INSIG1: variants seen among roughly 807,000 people sequenced by gnomAD.
INSIG1 encodes the protein insulin induced gene 1, also known as insulin-induced gene 1 protein.
In INSIG1, 14 loss-of-function variants were observed where a neutral mutation model predicts 26.5. The observed-to-expected ratio is 0.53, with a 90% CI of 0.35 to 0.83. The LOEUF (loss-of-function observed/expected upper bound fraction) is 0.83, where lower values mean the gene tolerates loss of function less well. INSIG1 is among the 40% of genes least tolerant of loss of function. The pLI is 0.01. For synonymous variants in INSIG1, 147 were observed against 153.3 expected, an observed-to-expected ratio of 0.96 and a Z score of 0.30; for missense variants, 272 against 368.9, an observed-to-expected ratio of 0.74 and a Z score of 2.15.
chr7:155,303,301 A>G (rs1347940267), intron 5 of INSIG1, among the ~76,000 whole-genome samples: 3 of 152,248 alleles, frequency 2.0e-5, no homozygotes, highest in Non-Finnish European at 4.4e-5. Flanking sequence ...CTTAGTCCAC[A>G]GTCAAGCAAA....
chr7:155,299,330 G>C (rs1411238669), intron 2 of INSIG1, among the ~76,000 whole-genome samples: 1 of 152,196 alleles, frequency 6.6e-6, no homozygotes, highest in African/African-American at 2.4e-5. Flanking sequence ...CCAAGCAGTA[G>C]CATAGATGCT....
Position 155,302,220 on chromosome 7 carries a change from G to T in INSIG1, c.538-31G>T. 1.3e-6 allele frequency: 2 copies of T among 1,527,866 alleles called. No individual in the cohort carries two copies. Among genetic ancestry groups the T allele is most frequent in the East Asian group, 4.8e-5 (2 of 41,958 alleles). The allele number at this position is 1,527,866 out of a possible 1,614,324, so 94.6% of individuals were successfully genotyped here. A position where few individuals can be genotyped will look rare whatever the true frequency, so the allele number is the denominator to read the frequency against. On this transcript the variant is annotated intron_variant, in intron 3 of 5. Coordinates refer to ENST00000340368, the MANE Select transcript of INSIG1 (RefSeq NM_005542.6). The surrounding 1 kb of genome is among the most constrained non-coding windows in gnomAD (Gnocchi z 4.3). Reference sequence around the variant, plus strand: ...CGTTTTTTTATCTTAATAAGAGTCAGCAAACTTTTCCTTAACTTTTATATC... The same window carrying T: ...CGTTTTTTTATCTTAATAAGAGTCATCAAACTTTTCCTTAACTTTTATATC...
intron 5 of INSIG1, chr7:155,303,906 C>T (rs1257705455): frequency 3.0e-6 from 4 of 1,342,808 alleles, no homozygotes; most frequent in Non-Finnish European, 4.0e-6. Context: ...GTAGAATTTG[C>T]AGTCTTCCAC....
In INSIG1 at chr7:155,298,674, C is replaced by T. The variant is rs1163583421; in HGVS notation, c.389C>T (p.Pro130Leu). The T allele has an allele frequency of 3.1e-6, 5 of 1,611,846 alleles. No homozygotes were observed. The highest frequency in any genetic ancestry group is 1.3e-5 in the African/African-American group (1 of 74,954). ...ATCTTTTCCTCCGCCTGGTGGGTCCCTCCCTGCTGCGGGACAGCAGCTGGT... is the reference window on the plus strand; with the variant it reads ...ATCTTTTCCTCCGCCTGGTGGGTCCTTCCCTGCTGCGGGACAGCAGCTGGT... The part of the protein sequence containing the change: ...ATIFSSAWWV[P>L]PCCGTAAAVV... Residue 130 changes from proline (P) to leucine (L), a missense_variant, in exon 2 of 6, where the codon CCT (proline) becomes CTT (leucine). Transcript: ENST00000340368.
In INSIG1 at chr7:155,298,480, T is replaced by A; in HGVS notation, c.195T>A (p.Ala65=). 4.5e-6 allele frequency: 7 copies of A among 1,564,756 alleles called. No individual in the cohort carries two copies. Among genetic ancestry groups the A allele is most frequent in the Non-Finnish European group, 6.1e-6 (7 of 1,156,366 alleles). ...DADPAPRGRS[A]AMSGPEPGSP... ...ACCCCGCGCCCAGGGGCCGCAGTGC[T>A]GCGATGAGCGGCCCCGAGCCCGGCA... is the stretch of plus-strand genomic sequence containing the variant. The change falls in exon 2 of 6, where the codon GCT becomes GCA. Residue 65 remains alanine (A), a synonymous_variant. Coordinates refer to ENST00000340368, the MANE Select transcript of INSIG1 (RefSeq NM_005542.6).
intron 5 of INSIG1, among the ~76,000 whole-genome samples, chr7:155,303,378 A>G (rs2150898461): frequency 6.6e-6 from 1 of 152,378 alleles, no homozygotes; most frequent in East Asian, 1.9e-4. Context: ...GCAAGGGGAC[A>G]GCCTGGTTCA....
rs1797803074 is a variant in INSIG1, at chr7:155,302,014, GT to G, written c.538-234del. ...GCACTTTATATATAGCTTTCAGCAA[GT>G]TTATTCTTATGGTTAAGTTTTTGAC... On this transcript the variant is annotated intron_variant, in intron 3 of 5. Coordinates refer to ENST00000340368, the MANE Select transcript of INSIG1 (RefSeq NM_005542.6). This position sits in a 1 kb window ranked among gnomAD's most constrained non-coding sequence, Gnocchi z 4.3. Among the ~76,000 whole-genome samples, 6 of 148,652 alleles carry G rather than the reference GT, an allele frequency of 4.0e-5. No homozygotes were observed. The South Asian group carries it at 1.3e-3, about 31-fold the overall frequency.
At chr7:155,299,294 C>T (rs1482637536) in intron 2 of INSIG1, among the ~76,000 whole-genome samples, 1 of 152,204 alleles carries the variant, frequency 6.6e-6, no homozygotes, top group African/African-American at 2.4e-5. Flanking sequence ...GAGTAACCCC[C>T]TTACGGCGTT....
intron 2 of INSIG1, 113 bp from the exon 3 acceptor site, chr7:155,301,452 AT>A: frequency 2.1e-6 from 2 of 958,300 alleles, no homozygotes; most frequent in Non-Finnish European, 3.0e-6. Flanking sequence ...ATAGCTGATA[AT>A]TTTTTCTAGG....
At chr7:155,304,717 A>T (rs983656548) in intron 5 of INSIG1, among the ~76,000 whole-genome samples, 2 of 152,214 alleles carry the variant, frequency 1.3e-5, no homozygotes, top group African/African-American at 2.4e-5. Context: ...TTACAGAAAA[A>T]AATGTTAAAG....
intron 2 of INSIG1, among the ~76,000 whole-genome samples, chr7:155,299,770 A>G (rs1465973136): frequency 6.6e-6 from 1 of 152,226 alleles, no homozygotes; most frequent in Admixed American, 6.5e-5. Flanking sequence ...CTTCATTTAT[A>G]GATGTGGCAA....
intron 5 of INSIG1, among the ~76,000 whole-genome samples, chr7:155,303,596 G>C (rs1585204977): frequency 1.3e-5 from 2 of 152,196 alleles, no homozygotes; most frequent in East Asian, 3.9e-4. Flanking sequence ...TGAACTCCAG[G>C]ATGGCTTTAG....
rs955511381 is a variant in INSIG1, at chr7:155,297,912, C to T, written c.-75C>T. 6 of 166,384 alleles carry T rather than the reference C, an allele frequency of 3.6e-5. No individual in the cohort carries two copies. Among genetic ancestry groups the T allele is most frequent in the Non-Finnish European group, 6.4e-5 (5 of 77,854 alleles). 10.3% of individuals were successfully genotyped at this position (166,384 alleles called of 1,614,324 possible). A position where few individuals can be genotyped will look rare whatever the true frequency, so the allele number is the denominator to read the frequency against. On this transcript the variant is annotated 5_prime_UTR_variant, in exon 1 of 6. Coordinates refer to ENST00000340368, the MANE Select transcript of INSIG1 (RefSeq NM_005542.6). ...CCGGGCCGTGACTCCTCCTTTCCCC[C>T]GCCCCGCCTCCGTTCGGAGAGCCGG...
At chr7:155,300,824 A>T (rs1246817536) in intron 2 of INSIG1, among the ~76,000 whole-genome samples, 1 of 152,206 alleles carries the variant, frequency 6.6e-6, no homozygotes, top group Non-Finnish European at 1.5e-5. Context: ...TCAGAGGGCA[A>T]GCTGGGATTT....
Position 155,302,833 on chromosome 7 carries a change from G to A in INSIG1, c.791G>A (p.Arg264Gln). The A allele has an allele frequency of 2.5e-6, 4 of 1,599,570 alleles. No homozygotes were observed. Among genetic ancestry groups the A allele is most frequent in the Non-Finnish European group, 2.6e-6 (3 of 1,166,992 alleles). ...SGGVTVGNIG[R>Q]QLAMGVPEKP... The stretch of plus-strand genomic sequence containing the variant: ...GGCGTCACGGTGGGGAACATAGGAC[G>A]ACAGTTAGCTATGGTAAGTGAAATG... The change falls in exon 5 of 6, where the codon CGA (arginine) becomes CAA (glutamine). Residue 264 changes from arginine to glutamine, a missense_variant. Around this residue, in one of 2 missense-constraint regions of INSIG1, gnomAD observed 111 missense variants for 189.8 expected, o/e 0.58. Transcript: ENST00000340368. This position sits in a 1 kb window ranked among gnomAD's most constrained non-coding sequence, Gnocchi z 4.3.
chr7:155,305,512 G>A (rs79320762), intron 5 of INSIG1, among the ~76,000 whole-genome samples: 2,616 of 152,266 alleles, frequency 0.017, 37 homozygotes, highest in South Asian at 0.051. Context: ...CAAAATGGAA[G>A]TGGCTGAATG....
In INSIG1 at chr7:155,298,276, C is replaced by G; in HGVS notation, c.-10C>G. On this transcript the variant is annotated 5_prime_UTR_variant, in exon 2 of 6. Coordinates refer to ENST00000340368, the MANE Select transcript of INSIG1 (RefSeq NM_005542.6). ...TCTTCCAGGAAGCGCCTCTTGGACGCGTGTGACCGATGCCCAGATTGCACG... is the reference window on the plus strand; with the variant it reads ...TCTTCCAGGAAGCGCCTCTTGGACGGGTGTGACCGATGCCCAGATTGCACG... The G allele has an allele frequency of 6.8e-7, 1 of 1,480,540 alleles. No individual in the cohort carries two copies. The highest frequency in any genetic ancestry group is 1.4e-5 in the South Asian group (1 of 70,676). The allele number at this position is 1,480,540 out of a possible 1,614,324, so 91.7% of individuals were successfully genotyped here.
chr7:155,302,236 C>G lies in INSIG1; in HGVS notation c.538-15C>G. The G allele has an allele frequency of 6.5e-7, 1 of 1,539,838 alleles. No individual in the cohort carries two copies. The highest frequency in any genetic ancestry group is 8.7e-7 in the Non-Finnish European group (1 of 1,145,862). ...TAAGAGTCAGCAAACTTTTCCTTAA[C>G]TTTTATATCACCAGAAATTGGATTT... On this transcript the variant is annotated splice_polypyrimidine_tract_variant and intron_variant, in intron 3 of 5. Coordinates refer to ENST00000340368, the MANE Select transcript of INSIG1 (RefSeq NM_005542.6). The surrounding 1 kb of genome is among the most constrained non-coding windows in gnomAD (Gnocchi z 4.3).
rs1373150240 is a variant in INSIG1 at position 155,298,678 on chromosome 7, C to T, written c.393C>T (p.Pro131=). ...TIFSSAWWVP[P]CCGTAAAVVG... ...TTTCCTCCGCCTGGTGGGTCCCTCC[C>T]TGCTGCGGGACAGCAGCTGGTGAGT... The change falls in exon 2 of 6, where the codon CCC becomes CCT. Residue 131 remains proline (P), a synonymous_variant. Transcript: ENST00000340368. 3 of 1,611,594 alleles carry T rather than the reference C, an allele frequency of 1.9e-6. No individual in the cohort carries two copies. The highest frequency in any genetic ancestry group is 2.5e-6 in the Non-Finnish European group (3 of 1,179,926).
Sources: gnomAD v4.1 joint callset for allele counts (sites outside exome capture counted in the v4.1 genomes callset) on GRCh38, gnomAD v4.1.1 for gene constraint, gnomAD v4.1.1 regional missense constraint, Gnocchi (gnomAD v3.1) non-coding constraint, MANE v1.5 for transcripts, NCBI Gene and HGNC (gene_info 2026-07-23, HGNC 2026-07-21) for gene names.